The following DAB1 variants were observed in gnomAD, a reference collection of about 807,000 sequenced individuals.
The protein encoded by DAB1 is DAB adaptor protein 1.
In DAB1, 15 loss-of-function variants were observed where a neutral mutation model predicts 64.6. That is an observed-to-expected ratio of 0.23 (90% CI 0.16 to 0.36). The LOEUF (loss-of-function observed/expected upper bound fraction) is 0.36, where lower values mean the gene tolerates loss of function less well. Ranked by LOEUF, DAB1 falls within the 10% of genes least tolerant of loss-of-function variation. DAB1 has a pLI of 1.00. For synonymous variants in DAB1, 235 were observed against 251.9 expected (o/e 0.93, Z 0.64); for missense variants, 596 against 706.7 (o/e 0.84, Z 1.78).
intron 5 of DAB1, among the ~76,000 whole-genome samples, chr1:57,966,761 G>A (rs1645676164): frequency 6.6e-6 from 1 of 152,124 alleles, no homozygotes; most frequent in Non-Finnish European, 1.5e-5. Context: ...CTGGGCATCT[G>A]TGTTTCACTT....
intron 5 of DAB1, among the ~76,000 whole-genome samples, chr1:57,899,159 C>G (rs906935070): frequency 2.0e-5 from 3 of 151,994 alleles, no homozygotes; most frequent in African/African-American, 7.2e-5. Context: ...TCAAAAACAC[C>G]AGCAGTTTCT....
intron 3 of DAB1, among the ~76,000 whole-genome samples, chr1:58,374,333 A>T (rs1247170619): frequency 4.4e-5 from 5 of 113,184 alleles, no homozygotes; most frequent in African/African-American, 1.6e-4. Flanking sequence ...TAAATCTTTA[A>T]TCCATCTTGA....
At chr1:57,404,907 T>C (rs1683512261) in intron 1 of DAB1, among the ~76,000 whole-genome samples, 1 of 152,232 alleles carries the variant, frequency 6.6e-6, no homozygotes, top group Non-Finnish European at 1.5e-5. Flanking sequence ...ACAACTTTTT[T>C]ATATCCTAAC....
At chr1:58,086,297 A>G (rs966861923) in intron 5 of DAB1, among the ~76,000 whole-genome samples, 6 of 152,172 alleles carry the variant, frequency 3.9e-5, no homozygotes, top group African/African-American at 1.4e-4. Context: ...CCCAGTATCA[A>G]ATTCCCAGCT....
At chr1:58,023,179 T>C (rs1646839113) in intron 5 of DAB1, among the ~76,000 whole-genome samples, 1 of 124,408 alleles carries the variant, frequency 8.0e-6, no homozygotes, top group African/African-American at 2.7e-5. Flanking sequence ...AATAAAATCT[T>C]ACAAAAAATT....
intron 4 of DAB1, among the ~76,000 whole-genome samples, chr1:58,311,449 C>CCCTG (rs1281559775): frequency 6.6e-6 from 1 of 152,104 alleles, no homozygotes; most frequent in African/African-American, 2.4e-5. Flanking sequence ...TTGCTTGAGG[C>CCCTG]CAGGCACTGT....
In DAB1 at chr1:56,996,842, G is replaced by T. The variant is rs1022495927; in HGVS notation, c.*1302C>A. 2 of 151,906 alleles carry T rather than the reference G, an allele frequency of 1.3e-5. No individual in the cohort carries two copies. Among genetic ancestry groups the T allele is most frequent in the East Asian group, 1.9e-4 (1 of 5,182 alleles). The allele number at this position is 151,906 out of a possible 1,614,324, so 9.4% of individuals were successfully genotyped here. A position where few individuals can be genotyped will look rare whatever the true frequency, so the allele number is the denominator to read the frequency against. On this transcript the variant is annotated 3_prime_UTR_variant, in exon 15 of 15. Coordinates refer to ENST00000371236, the MANE Select transcript of DAB1 (RefSeq NM_001365792.1). Reference sequence around the variant, plus strand: ...CTGCTACCTTCTCTACAGTGTAATGGCATTATTAAAAATCATTTTCATTAA... The same window carrying T: ...CTGCTACCTTCTCTACAGTGTAATGTCATTATTAAAAATCATTTTCATTAA...
chr1:57,457,984 C>T (rs1686659046), intron 7 of DAB1, among the ~76,000 whole-genome samples: 1 of 152,042 alleles, frequency 6.6e-6, no homozygotes, highest in Admixed American at 6.6e-5. Context: ...ACTTGCTGTA[C>T]TTTAGGTGAA....
chr1:57,842,158 T>G (rs1653082213), intron 1 of DAB1, among the ~76,000 whole-genome samples: 1 of 152,172 alleles, frequency 6.6e-6, no homozygotes, highest in African/African-American at 2.4e-5. Flanking sequence ...TCCATAGAGC[T>G]CTAGGGCAGG....
chr1:58,375,779 C>G (rs1042402329), intron 3 of DAB1, among the ~76,000 whole-genome samples: 1 of 145,322 alleles, frequency 6.9e-6, no homozygotes, highest in Non-Finnish European at 1.5e-5. Context: ...CCTTGTACCT[C>G]TGGTAGAATT....
intron 6 of DAB1, among the ~76,000 whole-genome samples, chr1:57,667,003 T>C (rs1391680115): frequency 1.3e-5 from 2 of 152,084 alleles, no homozygotes; most frequent in Non-Finnish European, 2.9e-5. Context: ...TAACTTCATG[T>C]CCCACCATCC....
intron 5 of DAB1, among the ~76,000 whole-genome samples, chr1:57,936,633 T>C (rs1645029099): frequency 1.3e-5 from 2 of 152,098 alleles, no homozygotes; most frequent in Admixed American, 1.3e-4. Flanking sequence ...GAACTCTTGA[T>C]CTCAGGTGAT....
chr1:57,516,412 G>A (rs1570589171), intron 7 of DAB1, among the ~76,000 whole-genome samples: 1 of 152,184 alleles, frequency 6.6e-6, no homozygotes, highest in Non-Finnish European at 1.5e-5. Flanking sequence ...CTTGAATCTC[G>A]AAATTCACTA....
At chr1:57,937,164 A>C (rs1379633017) in intron 5 of DAB1, among the ~76,000 whole-genome samples, 2 of 152,068 alleles carry the variant, frequency 1.3e-5, no homozygotes, top group Non-Finnish European at 2.9e-5. Flanking sequence ...AGTATTTATA[A>C]GAGGCACAAA....
intron 3 of DAB1, among the ~76,000 whole-genome samples, chr1:58,408,352 T>C (rs1371540070): frequency 6.6e-6 from 1 of 152,208 alleles, no homozygotes; most frequent in African/African-American, 2.4e-5. Context: ...GAACATTCTG[T>C]CTAGCTGTCC....
chr1:57,872,165 T>C (rs1643963002), intron 1 of DAB1, among the ~76,000 whole-genome samples: 1 of 152,230 alleles, frequency 6.6e-6, no homozygotes, highest in South Asian at 2.1e-4. Flanking sequence ...TTAAATACTA[T>C]AATAGAAGTC....
intron 4 of DAB1, among the ~76,000 whole-genome samples, chr1:58,262,883 C>A (rs1217485579): frequency 1.3e-5 from 2 of 152,180 alleles, no homozygotes; most frequent in African/African-American, 2.4e-5. Context: ...TCATGACAAT[C>A]TCAATGTTCC....
chr1:58,256,237 C>T (rs77222875), intron 4 of DAB1, among the ~76,000 whole-genome samples: 1 of 152,152 alleles, frequency 6.6e-6, no homozygotes, highest in Non-Finnish European at 1.5e-5. Context: ...ACGGTTGCCA[C>T]GGTGATTAGA....
chr1:58,065,942 C>T (rs973060152), intron 5 of DAB1, among the ~76,000 whole-genome samples: 15 of 152,124 alleles, frequency 9.9e-5, no homozygotes, highest in African/African-American at 3.6e-4. Context: ...TCCCTGTAGC[C>T]GAGGCAATCC....
Sources: gnomAD v4.1 joint callset for allele counts (sites outside exome capture counted in the v4.1 genomes callset) on GRCh38, gnomAD v4.1.1 for gene constraint, MANE v1.5 for transcripts, NCBI Gene and HGNC (gene_info 2026-07-23, HGNC 2026-07-21) for gene names.